The following PRDM16 variants were observed in gnomAD, a reference collection of about 807,000 sequenced individuals.
PRDM16 encodes the protein PR/SET domain 16, also known as histone-lysine N-methyltransferase PRDM16.
PRDM16 carries 23 observed loss-of-function variants against 110.6 expected under a neutral mutation model. The ratio of observed to expected loss-of-function variants is 0.21; its 90% CI spans 0.15 to 0.29. The LOEUF is 0.29. Ranked by LOEUF, PRDM16 falls within the 10% of genes least tolerant of loss-of-function variation. PRDM16 has a pLI of 1.00. For missense variants in PRDM16, 1,615 were observed against 1,794.3 expected (o/e 0.90, Z 1.81); for synonymous variants, 799 against 781.8 (o/e 1.02, Z -0.37).
intron 3 of PRDM16, among the ~76,000 whole-genome samples, chr1:3,329,711 T>A (rs756720810): frequency 6.6e-6 from 1 of 152,226 alleles, no homozygotes; most frequent in African/African-American, 2.4e-5. Flanking sequence ...TGATTCTGGC[T>A]GTGGGAAGAA....
chr1:3,387,891 A>G (rs796350093), intron 4 of PRDM16, among the ~76,000 whole-genome samples: 25 of 152,382 alleles, frequency 1.6e-4, no homozygotes, highest in African/African-American at 4.8e-4. Flanking sequence ...ACTTTTAGCA[A>G]TGCCTTTTGA....
Position 3,203,273 on chromosome 1 carries a change from T to C in PRDM16, c.387+16799T>C, listed in dbSNP as rs7528696. 1.8e-3 allele frequency among the ~76,000 whole-genome samples: 276 copies of C among 152,074 alleles called. 1 individual carries two copies. Among genetic ancestry groups the C allele is most frequent in the African/African-American group, 6.5e-3 (268 of 41,458 alleles). ...TTGCGTCCCACGCCACAGGTGGATTTAGTGAATGATGAGGCACTCTGAGAA... is the reference window on the plus strand; with the variant it reads ...TTGCGTCCCACGCCACAGGTGGATTCAGTGAATGATGAGGCACTCTGAGAA... On this transcript the variant is annotated intron_variant, in intron 2 of 16. Transcript: ENST00000270722.
At chr1:3,091,074 C>CG (rs1557438899) in intron 1 of PRDM16, among the ~76,000 whole-genome samples, 1 of 152,202 alleles carries the variant, frequency 6.6e-6, no homozygotes, top group African/African-American at 2.4e-5. Flanking sequence ...TAGCTCTGGA[C>CG]GGGGCTTCTT....
chr1:3,107,063 C>A (rs1433533708), intron 1 of PRDM16, among the ~76,000 whole-genome samples: 1 of 152,250 alleles, frequency 6.6e-6, no homozygotes, highest in African/African-American at 2.4e-5. Context: ...GCAAGAGCAG[C>A]TCACACCTCA....
At chr1:3,387,968 C>T (rs1643230989) in intron 4 of PRDM16, among the ~76,000 whole-genome samples, 1 of 152,238 alleles carries the variant, frequency 6.6e-6, no homozygotes, top group Non-Finnish European at 1.5e-5. Flanking sequence ...GCTGTGACGG[C>T]CGCACGGCCT....
chr1:3,129,986 G>T (rs1186333827), intron 1 of PRDM16, among the ~76,000 whole-genome samples: 1 of 152,194 alleles, frequency 6.6e-6, no homozygotes, highest in Non-Finnish European at 1.5e-5. Context: ...GGGCCAAGGC[G>T]ACCAGCTGGG....
At chr1:3,162,702 T>G (rs1157319137) in intron 1 of PRDM16, among the ~76,000 whole-genome samples, 1 of 152,196 alleles carries the variant, frequency 6.6e-6, no homozygotes, top group South Asian at 2.1e-4. Context: ...GGAGCCAGGC[T>G]CGGTCGGCAG....
intron 2 of PRDM16, among the ~76,000 whole-genome samples, chr1:3,192,725 C>T (rs577587578): frequency 1.3e-5 from 2 of 152,256 alleles, no homozygotes; most frequent in African/African-American, 2.4e-5. Context: ...ATTGTCGAGG[C>T]TCCTGGGACT....
At chr1:3,287,298 T>G (rs764966642) in intron 3 of PRDM16, among the ~76,000 whole-genome samples, 1 of 137,654 alleles carries the variant, frequency 7.3e-6, no homozygotes, top group Non-Finnish European at 1.6e-5. Context: ...CAGGATTGCA[T>G]TTACCGGGGC....
chr1:3,331,294 GC>G (rs151213349), intron 3 of PRDM16, among the ~76,000 whole-genome samples: 36 of 151,324 alleles, frequency 2.4e-4, no homozygotes, highest in Admixed American at 6.6e-4. Context: ...GAGAAAGGCA[GC>G]CCCCCCCCGG....
intron 1 of PRDM16, among the ~76,000 whole-genome samples, chr1:3,183,823 C>T (rs887339107): frequency 1.3e-5 from 2 of 152,224 alleles, no homozygotes. Flanking sequence ...CGGGCTCCAG[C>T]GGAACTCCCA....
Position 3,382,081 on chromosome 1 carries a change from G to T in PRDM16, c.439-3071G>T, listed in dbSNP as rs190806407. ...CTCTGGCTTGGCGGGCCTTTCCAGC[G>T]GTTTCCTGCTGCGCATCAGCAGTCA... On this transcript the variant is annotated intron_variant, in intron 3 of 16. Coordinates refer to ENST00000270722, the MANE Select transcript of PRDM16 (RefSeq NM_022114.4). This position sits in a 1 kb window ranked among gnomAD's most constrained non-coding sequence, Gnocchi z 6.6. Among the ~76,000 whole-genome samples, 1 of 152,248 alleles carries T rather than the reference G, an allele frequency of 6.6e-6. No individual in the cohort carries two copies. The highest frequency in any genetic ancestry group is 1.5e-5 in the Non-Finnish European group (1 of 68,038).
chr1:3,183,329 G>A (rs1644232054), intron 1 of PRDM16, among the ~76,000 whole-genome samples: 1 of 152,370 alleles, frequency 6.6e-6, no homozygotes, highest in Non-Finnish European at 1.5e-5. Flanking sequence ...TCCCGGCTCC[G>A]GTTGTTCCGG....
chr1:3,312,721 A>G (rs1570046624), intron 3 of PRDM16, among the ~76,000 whole-genome samples: 1 of 152,374 alleles, frequency 6.6e-6, no homozygotes, highest in East Asian at 1.9e-4. Flanking sequence ...GCCGCTTTTC[A>G]GGCATGTTCC....
chr1:3,250,352 G>C (rs908267850), intron 3 of PRDM16, among the ~76,000 whole-genome samples: 1 of 152,140 alleles, frequency 6.6e-6, no homozygotes, highest in Non-Finnish European at 1.5e-5. Context: ...GTCCCGCAGG[G>C]GCCCCTTCAC....
intron 12 of PRDM16, among the ~76,000 whole-genome samples, chr1:3,420,825 A>G (rs1638405054): frequency 6.6e-6 from 1 of 151,912 alleles, no homozygotes. Flanking sequence ...GAGTGGGGAG[A>G]GGGGCTGCTC....
At chr1:3,338,388 ACTGTC>A (rs1264244904) in intron 3 of PRDM16, among the ~76,000 whole-genome samples, 91 of 152,316 alleles carry the variant, frequency 6.0e-4, no homozygotes, top group African/African-American at 2.1e-3. Flanking sequence ...TCACAAACAC[ACTGTC>A]CAGGGAGCAA....
At chr1:3,365,436 C>A (rs1203177208) in intron 3 of PRDM16, among the ~76,000 whole-genome samples, 1 of 152,198 alleles carries the variant, frequency 6.6e-6, no homozygotes, top group Admixed American at 6.5e-5. Flanking sequence ...GACCTCCTGG[C>A]CAATACAAGT....
rs953058612 is a variant in PRDM16, at chr1:3,437,742, C to G, written c.*3931C>G. ...TTTCTGTCACTGATCCGTATTACCA[C>G]TTTTGGAAAAAAATAAATAAATAAA... On this transcript the variant is annotated 3_prime_UTR_variant, in exon 17 of 17. Transcript: ENST00000270722. 4 of 220,794 alleles carry G rather than the reference C, an allele frequency of 1.8e-5. No individual in the cohort carries two copies. The highest frequency in any genetic ancestry group is 9.0e-5 in the African/African-American group (4 of 44,628). 13.7% of individuals were successfully genotyped at this position (220,794 alleles called of 1,614,324 possible). A position where few individuals can be genotyped will look rare whatever the true frequency, so the allele number is the denominator to read the frequency against.
Sources: allele counts gnomAD v4.1 joint callset (sites outside exome capture counted in the v4.1 genomes callset), GRCh38; gene constraint gnomAD v4.1.1; non-coding constraint Gnocchi (gnomAD v3.1); transcripts MANE v1.5; gene names NCBI Gene and HGNC (gene_info 2026-07-23, HGNC 2026-07-21).